The following ARID3A variants were observed in gnomAD, a reference collection of about 807,000 sequenced individuals.
ARID3A encodes AT-rich interaction domain 3A.
In ARID3A, 11 loss-of-function variants were observed where a neutral mutation model predicts 52.7. The observed-to-expected ratio is 0.21, with a 90% CI of 0.13 to 0.35. ARID3A has a LOEUF of 0.35. ARID3A is among the 10% of genes least tolerant of loss of function. ARID3A has a pLI of 1.00. For synonymous variants in ARID3A, 404 were observed against 359.4 expected (o/e 1.12, Z -1.40); for missense variants, 721 against 838.5 (o/e 0.86, Z 1.73).
Position 974,614 on chromosome 19 carries a change from C to T in ARID3A, c.*2549C>T, listed in dbSNP as rs1195431967. Reference sequence around the variant, plus strand: ...CGTGCACCAGGGTCTGCAGCAGCCACTGGGGCCTGGCTGCCTGCTGCATCT... The same window carrying T: ...CGTGCACCAGGGTCTGCAGCAGCCATTGGGGCCTGGCTGCCTGCTGCATCT... On this transcript the variant is annotated 3_prime_UTR_variant, in exon 9 of 9. Transcript: ENST00000263620. 1 of 230,102 alleles carries T rather than the reference C, an allele frequency of 4.3e-6. No homozygotes were observed. The highest frequency in any genetic ancestry group is 8.6e-6 in the Non-Finnish European group (1 of 116,156). The allele number at this position is 230,102 out of a possible 1,614,324, so 14.3% of individuals were successfully genotyped here. A position where few individuals can be genotyped will look rare whatever the true frequency, so the allele number is the denominator to read the frequency against.
rs192693228 is a variant in ARID3A at position 942,533 on chromosome 19, C to A, written c.693+9791C>A. 6.6e-6 allele frequency among the ~76,000 whole-genome samples: 1 copy of A among 152,230 alleles called. No individual in the cohort carries two copies. Among genetic ancestry groups the A allele is most frequent in the African/African-American group, 2.4e-5 (1 of 41,452 alleles). ...GACAATTGGGGGTCACAGGGTTAAA[C>A]GCTGACTAATCTGGCCATTGAAGGC... On this transcript the variant is annotated intron_variant, in intron 3 of 8. Coordinates refer to ENST00000263620, the MANE Select transcript of ARID3A (RefSeq NM_005224.3). This position sits in a 1 kb window ranked among gnomAD's most constrained non-coding sequence, Gnocchi z 8.1.
intron 3 of ARID3A, among the ~76,000 whole-genome samples, chr19:950,863 C>A (rs994109187): frequency 2.0e-5 from 3 of 151,742 alleles, no homozygotes; most frequent in African/African-American, 7.3e-5. Flanking sequence ...ACTCTTGTTT[C>A]CCAGGCTGGA....
In ARID3A at chr19:936,703, G is replaced by A. The variant is rs181175953; in HGVS notation, c.693+3961G>A. Among the ~76,000 whole-genome samples the A allele has an allele frequency of 5.7e-4, 87 of 152,188 alleles. No individual in the cohort carries two copies. In the East Asian group the frequency reaches 0.012, roughly 21 times the overall value. ...TAAAAATATAAAAAATTAGCCGGGC[G>A]TGGCAGCACGCGCCTGTAGTCCCAG... On this transcript the variant is annotated intron_variant, in intron 3 of 8. Coordinates refer to ENST00000263620, the MANE Select transcript of ARID3A (RefSeq NM_005224.3).
rs1479622821 is a variant in ARID3A at position 975,602 on chromosome 19, A to AG, written c.*3537_*3538insG. On this transcript the variant is annotated 3_prime_UTR_variant, in exon 9 of 9. Transcript: ENST00000263620. ...AACTCAGGTAATAGGAGGAAAAAAA[A>AG]AAAAACTTAAAAAAATTTTTAAAAA... The AG allele has an allele frequency of 9.3e-6, 2 of 214,722 alleles. No homozygotes were observed. The highest frequency in any genetic ancestry group is 2.3e-5 in the African/African-American group (1 of 44,112). The allele number at this position is 214,722 out of a possible 1,614,324, so 13.3% of individuals were successfully genotyped here. A position where few individuals can be genotyped will look rare whatever the true frequency, so the allele number is the denominator to read the frequency against.
At chr19:948,702 CTTTTTTTTTTTTTT>C (rs35592836) in intron 3 of ARID3A, among the ~76,000 whole-genome samples, 1 of 77,288 alleles carries the variant, frequency 1.3e-5, no homozygotes, top group Non-Finnish European at 2.4e-5. Context: ...GGCCTGGAGT[CTTTTTTTTTTTTTT>C]TTTTTTTTTT....
rs184922886 is a variant in ARID3A, at chr19:959,874, C to T, written c.694-218C>T. 4.6e-5 allele frequency among the ~76,000 whole-genome samples: 7 copies of T among 152,290 alleles called. 1 individual carries two copies. The East Asian group carries it at 1.4e-3, about 29-fold the overall frequency. On this transcript the variant is annotated intron_variant, in intron 3 of 8. Transcript: ENST00000263620. The surrounding 1 kb of genome is among the most constrained non-coding windows in gnomAD (Gnocchi z 5.0). ...CCACCTGGTTTCTGGTGCCTCCTTG[C>T]AGACCCTCTGGGAAGCTCGTTCACC...
chr19:939,533 G>T (rs1012338098), intron 3 of ARID3A, among the ~76,000 whole-genome samples: 2 of 152,132 alleles, frequency 1.3e-5, no homozygotes, highest in African/African-American at 4.8e-5. Flanking sequence ...GGCATGAGCC[G>T]CATGTTCTCC....
chr19:930,743 T>C (rs2037308364), intron 2 of ARID3A, among the ~76,000 whole-genome samples: 1 of 150,796 alleles, frequency 6.6e-6, no homozygotes, highest in African/African-American at 2.4e-5. Context: ...TCTCCTGACC[T>C]CATGATCTGC....
At chr19:952,893 C>T (rs975155912) in intron 3 of ARID3A, among the ~76,000 whole-genome samples, 1 of 152,144 alleles carries the variant, frequency 6.6e-6, no homozygotes, top group Non-Finnish European at 1.5e-5. Flanking sequence ...GTGGGGCCTG[C>T]CTGGGGACTG....
chr19:930,698 A>AT (rs2037305062), intron 2 of ARID3A, among the ~76,000 whole-genome samples: 1 of 150,216 alleles, frequency 6.7e-6, no homozygotes, highest in African/African-American at 2.4e-5. Flanking sequence ...TTTAGTAGAG[A>AT]CGGGGTTTCA....
chr19:961,892 C>G (rs2038048896), intron 4 of ARID3A: 1 of 152,258 alleles, frequency 6.6e-6, no homozygotes, highest in African/African-American at 2.4e-5. Context: ...GCACTCTAGC[C>G]TGGGTGACAG....
intron 2 of ARID3A, among the ~76,000 whole-genome samples, chr19:930,360 C>T (rs1395228140): frequency 5.3e-5 from 8 of 151,006 alleles, no homozygotes; most frequent in African/African-American, 7.3e-5. Context: ...AAGACCAGCC[C>T]GGCCAACATG....
At chr19:946,736 C>T (rs906734470) in intron 3 of ARID3A, among the ~76,000 whole-genome samples, 6 of 152,054 alleles carry the variant, frequency 3.9e-5, no homozygotes, top group Non-Finnish European at 5.9e-5. Context: ...CCACCGTCCC[C>T]GGCTAATGTT....
chr19:969,225 G>T lies in ARID3A; in HGVS notation c.1594+722G>T, dbSNP rs184985659. Among the ~76,000 whole-genome samples the T allele has an allele frequency of 3.9e-5, 6 of 152,092 alleles. No individual in the cohort carries two copies. The East Asian group carries it at 1.2e-3, about 29-fold the overall frequency. ...TCCAATGCCTAATAATCACATCAGGGTAAATGAGGTATCCAAAAAATTGAA... is the reference window on the plus strand; with the variant it reads ...TCCAATGCCTAATAATCACATCAGGTTAAATGAGGTATCCAAAAAATTGAA... On this transcript the variant is annotated intron_variant, in intron 8 of 8. Transcript: ENST00000263620.
chr19:945,711 C>T (rs2037663080), intron 3 of ARID3A, among the ~76,000 whole-genome samples: 1 of 152,050 alleles, frequency 6.6e-6, no homozygotes, highest in East Asian at 1.9e-4. Context: ...TCTTTGGGCC[C>T]GGACTCCAGG....
intron 3 of ARID3A, among the ~76,000 whole-genome samples, chr19:946,289 T>A (rs1404730027): frequency 6.6e-6 from 1 of 152,146 alleles, no homozygotes; most frequent in African/African-American, 2.4e-5. Flanking sequence ...TGAGACAGAG[T>A]CTTGCTTTGT....
At position 959,398 on chromosome 19, in the gene ARID3A, C is replaced by T. The variant is rs188570890; in HGVS notation, c.694-694C>T. Among the ~76,000 whole-genome samples the T allele has an allele frequency of 2.6e-4, 40 of 152,252 alleles. No individual in the cohort carries two copies. The East Asian group carries it at 7.5e-3, about 29-fold the overall frequency. On this transcript the variant is annotated intron_variant, in intron 3 of 8. Transcript: ENST00000263620. This position sits in a 1 kb window ranked among gnomAD's most constrained non-coding sequence, Gnocchi z 5.0. The stretch of plus-strand genomic sequence containing the variant: ...AAGCAATCCTCCCACCTCAGCCTCC[C>T]GAGTAGCCGGGACTGTAGGCATGAG...
intron 3 of ARID3A, among the ~76,000 whole-genome samples, chr19:957,388 G>A (rs1008150072): frequency 1.2e-4 from 19 of 152,196 alleles, no homozygotes; most frequent in African/African-American, 3.6e-4. Context: ...CGCACTCGCC[G>A]CTGTGTCTCA....
At position 947,828 on chromosome 19, in the gene ARID3A, T is replaced by C. The variant is rs181726859; in HGVS notation, c.694-12264T>C. On this transcript the variant is annotated intron_variant, in intron 3 of 8. Transcript: ENST00000263620. The surrounding 1 kb of genome is among the most constrained non-coding windows in gnomAD (Gnocchi z 6.3). ...GGGCCGGGGGAGTGGAGCCGGCAGA[T>C]GTTCGGCCCTGCCCAGAATCACTTC... is the stretch of plus-strand genomic sequence containing the variant. 2.8e-3 allele frequency among the ~76,000 whole-genome samples: 426 copies of C among 152,226 alleles called. 1 individual carries two copies. Among genetic ancestry groups the C allele is most frequent in the African/African-American group, 9.4e-3 (389 of 41,552 alleles).
Sources: allele counts gnomAD v4.1 joint callset (sites outside exome capture counted in the v4.1 genomes callset), GRCh38; gene constraint gnomAD v4.1.1; non-coding constraint Gnocchi (gnomAD v3.1); transcripts MANE v1.5; gene names NCBI Gene and HGNC (gene_info 2026-07-23, HGNC 2026-07-21).